PTPRN2: variants seen among roughly 807,000 people sequenced by gnomAD.
PTPRN2 encodes receptor-type tyrosine-protein phosphatase N2.
Under a neutral mutation model 118.8 loss-of-function variants are expected in PTPRN2, and 74 were observed. That is an observed-to-expected ratio of 0.62 (90% confidence interval 0.52 to 0.76). PTPRN2 has a LOEUF of 0.76. Ranked by LOEUF, PTPRN2 falls within the 30% of genes least tolerant of loss-of-function variation. The probability of loss-of-function intolerance (pLI) is 0.00; values close to 1 mark genes in which losing one functional copy is unlikely to be tolerated. For missense variants in PTPRN2, 1,481 were observed against 1,394.4 expected (o/e 1.06, Z -0.99); for synonymous variants, 641 against 608.0 (o/e 1.05, Z -0.80).
chr7:157,851,801 T>G (rs1424677297), intron 12 of PTPRN2, among the ~76,000 whole-genome samples: 1 of 152,252 alleles, frequency 6.6e-6, no homozygotes, highest in African/African-American at 2.4e-5. Flanking sequence ...GACAGTGATG[T>G]GAGACGCTCA....
chr7:157,576,562 T>C, intron 19 of PTPRN2, 51 bp downstream of exon 19: 4 of 1,523,592 alleles, frequency 2.6e-6, no homozygotes, highest in Non-Finnish European at 8.9e-7. Context: ...CTCGCTCCCC[T>C]GTGCCGCGCG....
intron 12 of PTPRN2, among the ~76,000 whole-genome samples, chr7:157,762,335 G>C (rs1378323442): frequency 6.6e-6 from 1 of 152,118 alleles, no homozygotes; most frequent in Non-Finnish European, 1.5e-5. Context: ...CAAAGATTTG[G>C]AACCAACCCA....
At chr7:157,826,816 G>A (rs542002552) in intron 12 of PTPRN2, among the ~76,000 whole-genome samples, 18 of 152,214 alleles carry the variant, frequency 1.2e-4, no homozygotes, top group African/African-American at 3.1e-4. Context: ...GGATGTCACC[G>A]TCCTCCTGTG....
intron 9 of PTPRN2, among the ~76,000 whole-genome samples, chr7:158,125,701 C>G (rs1817601686): frequency 6.6e-6 from 1 of 152,198 alleles, no homozygotes; most frequent in Non-Finnish European, 1.5e-5. Flanking sequence ...GGGGCCTCTA[C>G]AGAGGTGAGG....
intron 12 of PTPRN2, among the ~76,000 whole-genome samples, chr7:157,884,064 T>C (rs980790271): frequency 6.0e-5 from 9 of 149,724 alleles, no homozygotes; most frequent in Non-Finnish European, 1.2e-4. Context: ...CACCCCAAAA[T>C]GCCTGTCAGA....
Position 157,632,852 on chromosome 7 carries a change from T to C in PTPRN2, c.2197-11343A>G, listed in dbSNP as rs1804046749. On this transcript the variant is annotated intron_variant, in intron 14 of 22. Coordinates refer to ENST00000389418, the MANE Select transcript of PTPRN2 (RefSeq NM_002847.5). The surrounding 1 kb of genome is among the most constrained non-coding windows in gnomAD (Gnocchi z 4.3). ...ATAATTCAGAGAATTATACTATGTT[T>C]TCCATAAATGTACAGCTATTAATAT... Among the ~76,000 whole-genome samples, 1 of 152,256 alleles carries C rather than the reference T, an allele frequency of 6.6e-6. No homozygotes were observed. Among genetic ancestry groups the C allele is most frequent in the Non-Finnish European group, 1.5e-5 (1 of 68,044 alleles).
At chr7:157,642,601 T>C (rs1804741955) in intron 14 of PTPRN2, among the ~76,000 whole-genome samples, 1 of 152,076 alleles carries the variant, frequency 6.6e-6, no homozygotes, top group Non-Finnish European at 1.5e-5. Flanking sequence ...CAGAAAACGC[T>C]GCACGAATGA....
At chr7:157,691,223 G>A (rs998885712) in intron 12 of PTPRN2, among the ~76,000 whole-genome samples, 4 of 150,058 alleles carry the variant, frequency 2.7e-5, no homozygotes, top group African/African-American at 9.8e-5. Flanking sequence ...TCTTTTCAGT[G>A]TTTCTCCCTT....
intron 2 of PTPRN2, among the ~76,000 whole-genome samples, chr7:158,450,009 G>A (rs1817991208): frequency 6.6e-6 from 1 of 152,228 alleles, no homozygotes; most frequent in African/African-American, 2.4e-5. Flanking sequence ...ATGGTCTGGA[G>A]GCTGGAAGTC....
At chr7:157,880,287 A>G (rs990115369) in intron 12 of PTPRN2, among the ~76,000 whole-genome samples, 4 of 152,192 alleles carry the variant, frequency 2.6e-5, no homozygotes, top group African/African-American at 9.7e-5. Flanking sequence ...TGCCACTGAC[A>G]TTTCTAAAAT....
intron 11 of PTPRN2, among the ~76,000 whole-genome samples, chr7:157,963,920 T>C (rs1381493967): frequency 6.6e-6 from 1 of 152,234 alleles, no homozygotes; most frequent in Non-Finnish European, 1.5e-5. Context: ...CTCAGGCTGG[T>C]CTCAAACTCC....
At chr7:158,583,418 C>T (rs1204454355) in intron 1 of PTPRN2, among the ~76,000 whole-genome samples, 1 of 152,160 alleles carries the variant, frequency 6.6e-6, no homozygotes, top group Non-Finnish European at 1.5e-5. Context: ...TGGGGCCCAA[C>T]ACCATCTCGG....
At chr7:157,628,907 A>C (rs78778781) in intron 14 of PTPRN2, among the ~76,000 whole-genome samples, 168 of 152,232 alleles carry the variant, frequency 1.1e-3, no homozygotes, top group African/African-American at 4.0e-3. Context: ...GAAGAGGGAA[A>C]TATTTCATGG....
At chr7:158,331,813 A>C (rs1353920282) in intron 2 of PTPRN2, among the ~76,000 whole-genome samples, 1 of 149,550 alleles carries the variant, frequency 6.7e-6, no homozygotes, top group African/African-American at 2.5e-5. Context: ...CCACACTGTC[A>C]CCCTAAGAGG....
chr7:157,965,010 C>T (rs1279045584), intron 11 of PTPRN2, among the ~76,000 whole-genome samples: 1 of 152,160 alleles, frequency 6.6e-6, no homozygotes, highest in Non-Finnish European at 1.5e-5. Flanking sequence ...CTGTCCCAGG[C>T]AAACAGGGAC....
chr7:158,093,168 T>C lies in PTPRN2; in HGVS notation c.1644-11791A>G, dbSNP rs1392072357. The stretch of plus-strand genomic sequence containing the variant: ...TGCCGCTGGACCGACCCCCACACCA[T>C]AGACCCACACGCAGGCCTGCACCTC... On this transcript the variant is annotated intron_variant, in intron 10 of 22. Transcript: ENST00000389418. The surrounding 1 kb of genome is among the most constrained non-coding windows in gnomAD (Gnocchi z 4.4). Among the ~76,000 whole-genome samples the C allele has an allele frequency of 6.9e-6, 1 of 144,890 alleles. No individual in the cohort carries two copies. The highest frequency in any genetic ancestry group is 6.8e-5 in the Admixed American group (1 of 14,786).
chr7:157,969,996 G>T (rs1487253562), intron 11 of PTPRN2, among the ~76,000 whole-genome samples: 2 of 152,050 alleles, frequency 1.3e-5, no homozygotes, highest in Middle Eastern at 3.2e-3. Context: ...GAAAATGCAG[G>T]TGAGAGGATG....
chr7:158,198,990 C>A (rs1826424920), intron 4 of PTPRN2, among the ~76,000 whole-genome samples: 1 of 151,568 alleles, frequency 6.6e-6, no homozygotes, highest in Non-Finnish European at 1.5e-5. Flanking sequence ...CAGGTTCTGG[C>A]TTCTCAGATC....
At chr7:157,817,042 G>A (rs1206959328) in intron 12 of PTPRN2, among the ~76,000 whole-genome samples, 1 of 152,196 alleles carries the variant, frequency 6.6e-6, no homozygotes, top group Non-Finnish European at 1.5e-5. Context: ...AGGCCGATGG[G>A]CCCTCTCGCT....
Sources: gnomAD v4.1 joint callset for allele counts (sites outside exome capture counted in the v4.1 genomes callset) on GRCh38, gnomAD v4.1.1 for gene constraint, Gnocchi (gnomAD v3.1) non-coding constraint, MANE v1.5 for transcripts, NCBI Gene and HGNC (gene_info 2026-07-23, HGNC 2026-07-21) for gene names.